Variants in TNS1 observed in about 807,000 individuals in gnomAD.
TNS1 encodes tensin 1, also known as tensin-1.
Under a neutral mutation model 168.6 loss-of-function variants are expected in TNS1, and 62 were observed. That is an observed-to-expected ratio of 0.37 (90% CI 0.30 to 0.45). The LOEUF is 0.45. Ranked by LOEUF, TNS1 falls within the 20% of genes least tolerant of loss-of-function variation. The probability of loss-of-function intolerance (pLI) is 1.00; values close to 1 mark genes in which losing one functional copy is unlikely to be tolerated. For synonymous variants in TNS1, 934 were observed against 933.2 expected, an observed-to-expected ratio of 1.00 and a Z score of -0.02; for missense variants, 2,240 against 2,339.4, an observed-to-expected ratio of 0.96 and a Z score of 0.88.
intron 1 of TNS1, among the ~76,000 whole-genome samples, chr2:218,015,742 G>A (rs1036023748): frequency 3.9e-5 from 6 of 152,178 alleles, no homozygotes; most frequent in Admixed American, 6.5e-5. Flanking sequence ...CATGATAAAC[G>A]GGGGGTGGGG....
intron 18 of TNS1, among the ~76,000 whole-genome samples, chr2:217,875,792 C>A (rs1430824230): frequency 6.6e-6 from 1 of 152,202 alleles, no homozygotes. Context: ...AGTGGATGGG[C>A]ACCCTTTAGA....
intron 3 of TNS1, among the ~76,000 whole-genome samples, chr2:217,971,921 T>A (rs569436842): frequency 6.6e-6 from 1 of 152,148 alleles, no homozygotes; most frequent in Non-Finnish European, 1.5e-5. Flanking sequence ...TCTTCCTTGA[T>A]AATAGAGAGA....
At chr2:217,998,981 A>T (rs1422742987) in intron 1 of TNS1, among the ~76,000 whole-genome samples, 1 of 152,164 alleles carries the variant, frequency 6.6e-6, no homozygotes, top group Non-Finnish European at 1.5e-5. Context: ...GCCCTCCATA[A>T]TAATCCGTGA....
chr2:217,963,340 T>A (rs1957545617), intron 3 of TNS1, among the ~76,000 whole-genome samples: 2 of 152,118 alleles, frequency 1.3e-5, no homozygotes, highest in African/African-American at 4.8e-5. Flanking sequence ...CCAGACTGCA[T>A]CTAATGACAA....
rs146423363 is a variant in TNS1 at position 217,848,710 on chromosome 2, G to A, written c.1807C>T (p.Arg603Cys). 31 of 1,614,084 alleles carry A rather than the reference G, an allele frequency of 1.9e-5. No homozygotes were observed. The highest frequency in any genetic ancestry group is 8.0e-5 in the African/African-American group (6 of 74,932). The change falls in exon 19 of 33, where the codon CGC becomes TGC. Residue 603 changes from arginine to cysteine, a missense_variant. Around this residue, in one of 2 missense-constraint regions of TNS1, gnomAD observed 2,131 missense variants for 2,171.2 expected, o/e 0.98. Coordinates refer to ENST00000682258, the MANE Select transcript of TNS1 (RefSeq NM_001387777.1). ...TGAACCTGGGCTGGGACAACGTGGC[G>A]TCCAGAGGAGGGCACAGCCGAGCCC... ...AGGSAVPSSG[R>C]HVVPAQVHVN...
At chr2:217,933,307 G>A (rs1482540581) in intron 3 of TNS1, among the ~76,000 whole-genome samples, 4 of 152,146 alleles carry the variant, frequency 2.6e-5, no homozygotes, top group Non-Finnish European at 4.4e-5. Flanking sequence ...GATTTTAAAC[G>A]GATAGAAGAC....
intron 3 of TNS1, among the ~76,000 whole-genome samples, chr2:217,961,218 GTC>G (rs1209780540): frequency 5.6e-5 from 8 of 144,082 alleles, no homozygotes; most frequent in East Asian, 2.0e-4. Flanking sequence ...ATCTCAGGGT[GTC>G]TCTCTCTCTC....
rs971505893 is a variant in TNS1, at chr2:217,804,122, G to T, written c.*337C>A. ...AAAATGTGGATTCCCAAGGAGGTTT[G>T]TTCCTTCTCTTTTGAGGACATCCAT... is the stretch of plus-strand genomic sequence containing the variant. On this transcript the variant is annotated 3_prime_UTR_variant, in exon 33 of 33. Coordinates refer to ENST00000682258, the MANE Select transcript of TNS1 (RefSeq NM_001387777.1). 9.7e-6 allele frequency: 2 copies of T among 207,204 alleles called. No individual in the cohort carries two copies. Among genetic ancestry groups the T allele is most frequent in the Non-Finnish European group, 1.9e-5 (2 of 102,956 alleles). 12.8% of individuals were successfully genotyped at this position (207,204 alleles called of 1,614,324 possible).
chr2:217,937,255 C>T, intron 3 of TNS1: 1 of 349,942 alleles, frequency 2.9e-6, no homozygotes, highest in Non-Finnish European at 5.7e-6. Context: ...CCTTAACTGG[C>T]ATAGGGTGGA....
intron 3 of TNS1, among the ~76,000 whole-genome samples, chr2:217,966,690 G>A (rs1957650858): frequency 6.6e-6 from 1 of 152,178 alleles, no homozygotes; most frequent in South Asian, 2.1e-4. Context: ...CGATGCTGAG[G>A]CTCACTGAAC....
intron 9 of TNS1, 122 bp downstream of exon 9, chr2:217,894,884 A>G: frequency 1.1e-6 from 1 of 942,346 alleles, no homozygotes; most frequent in East Asian, 2.6e-5. Context: ...TTTTCCAGAT[A>G]TAAGTCGGCA....
intron 18 of TNS1, among the ~76,000 whole-genome samples, chr2:217,861,151 T>A (rs1476254635): frequency 1.3e-5 from 2 of 152,224 alleles, no homozygotes; most frequent in African/African-American, 2.4e-5. Context: ...CAGCTCATCT[T>A]TAGGGGGCCG....
At chr2:218,010,970 G>A (rs1042112564), upstream of TNS1, among the ~76,000 whole-genome samples, 1 of 152,120 alleles carries the variant, frequency 6.6e-6, no homozygotes, top group African/African-American at 2.4e-5. Flanking sequence ...CCTCAGCCAG[G>A]ATCTCTCTCT....
intron 3 of TNS1, among the ~76,000 whole-genome samples, chr2:217,947,653 A>C (rs1957143963): frequency 6.6e-6 from 1 of 152,140 alleles, no homozygotes; most frequent in Non-Finnish European, 1.5e-5. Context: ...AAGGGACGCG[A>C]CAGAAAGGGG....
rs940427921 is a variant in TNS1 at position 217,907,337 on chromosome 2, G to C, written c.229-86C>G. 1.0e-5 allele frequency: 7 copies of C among 691,254 alleles called. No homozygotes were observed. The Admixed American group carries it at 1.4e-4, about 14-fold the overall frequency. The allele number at this position is 691,254 out of a possible 1,614,324, so 42.8% of individuals were successfully genotyped here. A position where few individuals can be genotyped will look rare whatever the true frequency, so the allele number is the denominator to read the frequency against. On this transcript the variant is annotated intron_variant, in intron 4 of 32. Coordinates refer to ENST00000682258, the MANE Select transcript of TNS1 (RefSeq NM_001387777.1). The stretch of plus-strand genomic sequence containing the variant: ...CTCCCCATGGCTAGTGGCCCTGATG[G>C]GCAGAATGCCCCCTGAGACAGGGAT...
At chr2:217,850,824 G>A (rs1375654522) in intron 18 of TNS1, among the ~76,000 whole-genome samples, 1 of 152,072 alleles carries the variant, frequency 6.6e-6, no homozygotes, top group African/African-American at 2.4e-5. Context: ...AAGAACCACA[G>A]TCAGACAGCA....
intron 3 of TNS1, among the ~76,000 whole-genome samples, chr2:217,940,709 G>T (rs1956867492): frequency 1.3e-5 from 2 of 152,170 alleles, no homozygotes; most frequent in African/African-American, 4.8e-5. Flanking sequence ...CTCCTACTGT[G>T]TCACCCTCTC....
chr2:217,864,387 A>G (rs1949071498), intron 18 of TNS1, among the ~76,000 whole-genome samples: 1 of 152,210 alleles, frequency 6.6e-6, no homozygotes, highest in Non-Finnish European at 1.5e-5. Context: ...ACTGCCTTTC[A>G]AAGTGGATAT....
chr2:217,848,841 G>A lies in TNS1; in HGVS notation c.1676C>T (p.Pro559Leu). 1 of 1,614,066 alleles carries A rather than the reference G, an allele frequency of 6.2e-7. No individual in the cohort carries two copies. The highest frequency in any genetic ancestry group is 8.5e-7 in the Non-Finnish European group (1 of 1,180,026). The change falls in exon 19 of 33, where the codon CCC (proline) becomes CTC (leucine). Residue 559 changes from proline (P) to leucine (L), a missense_variant. Physicochemically the swap from Pro to Leu is moderately conservative, Grantham distance 98. Transcript: ENST00000682258. ...GASSATAALSPQEKRELDRLL... is the reference protein window; with the variant it reads ...GASSATAALSLQEKRELDRLL... The stretch of plus-strand genomic sequence containing the variant: ...GCGGTCCAGCTCCCGCTTCTCCTGG[G>A]GACTCAAGGCAGCAGTGGCACTGGA...
Sources: allele counts gnomAD v4.1 joint callset (sites outside exome capture counted in the v4.1 genomes callset), GRCh38; gene constraint gnomAD v4.1.1; regional missense constraint gnomAD v4.1.1; transcripts MANE v1.5; gene names NCBI Gene and HGNC (gene_info 2026-07-23, HGNC 2026-07-21).